Variants in MAP3K1 observed in about 807,000 individuals in gnomAD.
MAP3K1 encodes MAP/ERK kinase kinase 1.
MAP3K1 carries 36 observed loss-of-function variants against 144.2 expected under a neutral mutation model. That is an observed-to-expected ratio of 0.25 (90% CI 0.19 to 0.33). MAP3K1 has a LOEUF of 0.33. Ranked by LOEUF, MAP3K1 falls within the 10% of genes least tolerant of loss-of-function variation. The pLI, the probability that MAP3K1 is intolerant of heterozygous loss-of-function variation, is 1.00. For synonymous variants in MAP3K1, 718 were observed against 688.7 expected (o/e 1.04, Z -0.67); for missense variants, 1,650 against 1,881.9 (o/e 0.88, Z 2.28).
intron 1 of MAP3K1, chr5:56,841,978 T>G (rs1375475621): frequency 6.6e-6 from 1 of 152,210 alleles, no homozygotes; most frequent in African/African-American, 2.4e-5. Context: ...TGGAATACAT[T>G]AGATAATAGT....
At chr5:56,868,731 A>G (rs577823497) in intron 6 of MAP3K1, among the ~76,000 whole-genome samples, 1 of 152,356 alleles carries the variant, frequency 6.6e-6, no homozygotes, top group South Asian at 2.1e-4. Context: ...TTATATGTCC[A>G]ACATTAATGG....
At chr5:56,854,432 C>CAAAAAAAAAAAAAAAAA (rs10647091) in intron 1 of MAP3K1, among the ~76,000 whole-genome samples, 6 of 85,292 alleles carry the variant, frequency 7.0e-5, no homozygotes, top group East Asian at 3.2e-4. Flanking sequence ...AACTCCATCT[C>CAAAAAAAAAAAAAAAAA]AAAAAAAAAA....
At chr5:56,826,945 C>A (rs1746334392) in intron 1 of MAP3K1, among the ~76,000 whole-genome samples, 1 of 152,186 alleles carries the variant, frequency 6.6e-6, no homozygotes, top group African/African-American at 2.4e-5. Flanking sequence ...GTGCAGGCCC[C>A]CGTCCACTGT....
intron 1 of MAP3K1, chr5:56,841,871 C>T (rs888769081): frequency 6.6e-6 from 1 of 152,152 alleles, no homozygotes; most frequent in East Asian, 1.9e-4. Flanking sequence ...CTGTCATTTT[C>T]CTTTAGTTCC....
chr5:56,877,158 T>G (rs1177150976), intron 10 of MAP3K1, among the ~76,000 whole-genome samples: 1 of 152,244 alleles, frequency 6.6e-6, no homozygotes, highest in South Asian at 2.1e-4. Flanking sequence ...ACCAGCATAC[T>G]ATAGAATAAA....
intron 1 of MAP3K1, among the ~76,000 whole-genome samples, chr5:56,839,662 C>T (rs746708285): frequency 1.3e-4 from 20 of 152,080 alleles, no homozygotes; most frequent in Non-Finnish European, 1.9e-4. Context: ...GCATACTCCC[C>T]CCATCTCTGG....
At chr5:56,878,117 TAATATTCCTA>T (rs1258034571) in intron 10 of MAP3K1, among the ~76,000 whole-genome samples, 3 of 152,240 alleles carry the variant, frequency 2.0e-5, no homozygotes, top group Non-Finnish European at 4.4e-5. Context: ...GCTGTAAAGT[TAATATTCCTA>T]AATATCTTGT....
chr5:56,820,735 A>C (rs1746129735), intron 1 of MAP3K1: 1 of 985,314 alleles, frequency 1.0e-6, no homozygotes. Context: ...GATTTCATCC[A>C]TTCAACATTT....
In MAP3K1 at chr5:56,864,949, C is replaced by G. The variant is rs747105154; in HGVS notation, c.1035+15C>G. 3 of 1,611,718 alleles carry G rather than the reference C, an allele frequency of 1.9e-6. No individual in the cohort carries two copies. The highest frequency in any genetic ancestry group is 2.5e-6 in the Non-Finnish European group (3 of 1,178,198). ...TTGGGCCTCAGGTAGGATTCGTCAC[C>G]ATTTTATACTTTATTAGTAGTAGTA... On this transcript the variant is annotated intron_variant, in intron 4 of 19. Coordinates refer to ENST00000399503, the MANE Select transcript of MAP3K1 (RefSeq NM_005921.2).
chr5:56,823,208 T>C (rs906961134), intron 1 of MAP3K1, among the ~76,000 whole-genome samples: 1 of 152,242 alleles, frequency 6.6e-6, no homozygotes, highest in Admixed American at 6.5e-5. Context: ...GTTGGGCCCC[T>C]GTCTGCTTCT....
chr5:56,865,555 A>G (rs1191071751), intron 5 of MAP3K1, 99 bp downstream of exon 5: 8 of 780,006 alleles, frequency 1.0e-5, no homozygotes, highest in Admixed American at 2.1e-5. Context: ...GACCATTTTA[A>G]AGGTGTGAAG....
chr5:56,852,150 T>C (rs1747194113), intron 1 of MAP3K1: 2 of 152,186 alleles, frequency 1.3e-5, no homozygotes, highest in African/African-American at 2.4e-5. Context: ...GAAGTTTTTT[T>C]GTGCTATGAG....
At chr5:56,820,772 G>A (rs1393946482) in intron 1 of MAP3K1, 2 of 985,306 alleles carry the variant, frequency 2.0e-6, no homozygotes, top group South Asian at 4.7e-5. Flanking sequence ...TGGTGGTCTT[G>A]AGTGGTGGAG....
intron 16 of MAP3K1, 111 bp downstream of exon 16, chr5:56,884,937 AAAAAC>A: frequency 2.1e-6 from 2 of 968,832 alleles, no homozygotes; most frequent in South Asian, 1.5e-5. Flanking sequence ...TTGGGTTTCT[AAAAAC>A]AAATCACCCC....
At chr5:56,877,976 T>TA (rs1225956883) in intron 10 of MAP3K1, among the ~76,000 whole-genome samples, 2 of 152,220 alleles carry the variant, frequency 1.3e-5, no homozygotes, top group Admixed American at 6.5e-5. Context: ...AGATGGAAGT[T>TA]ACGTATTTTT....
At chr5:56,827,266 A>G (rs1746346566) in intron 1 of MAP3K1, among the ~76,000 whole-genome samples, 1 of 152,210 alleles carries the variant, frequency 6.6e-6, no homozygotes, top group Non-Finnish European at 1.5e-5. Context: ...CCCACTGGCC[A>G]ATCCTTGAAT....
At chr5:56,831,670 C>A (rs1249403128) in intron 1 of MAP3K1, among the ~76,000 whole-genome samples, 2 of 152,094 alleles carry the variant, frequency 1.3e-5, no homozygotes, top group African/African-American at 2.4e-5. Flanking sequence ...TTTCAAGGTA[C>A]TTATGATTGC....
chr5:56,886,105 T>G (rs750370227), intron 17 of MAP3K1, 42 bp downstream of exon 17: 1 of 1,564,544 alleles, frequency 6.4e-7, no homozygotes, highest in African/African-American at 1.4e-5. Flanking sequence ...AATAAAAAAA[T>G]TAATTTTAAA....
chr5:56,882,900 TC>T (rs766661533), intron 14 of MAP3K1, 34 bp downstream of exon 14: 7 of 1,537,690 alleles, frequency 4.6e-6, no homozygotes, highest in Non-Finnish European at 5.3e-6. Context: ...TTAGAAAACT[TC>T]CTTGGGGCTG....
Sources: gnomAD v4.1 joint callset for allele counts (sites outside exome capture counted in the v4.1 genomes callset) on GRCh38, gnomAD v4.1.1 for gene constraint, MANE v1.5 for transcripts, NCBI Gene and HGNC (gene_info 2026-07-23, HGNC 2026-07-21) for gene names.